Variants in CDC40 observed in about 807,000 individuals in gnomAD.
CDC40 encodes pre-mRNA-processing factor 17.
CDC40 carries 27 observed loss-of-function variants against 80.6 expected under a neutral mutation model. The ratio of observed to expected loss-of-function variants is 0.33; its 90% CI spans 0.25 to 0.46. The LOEUF is 0.46. CDC40 is among the 20% of genes least tolerant of loss of function. The probability of loss-of-function intolerance (pLI) is 1.00; values close to 1 mark genes in which losing one functional copy is unlikely to be tolerated. For synonymous variants in CDC40, 221 were observed against 232.6 expected, an observed-to-expected ratio of 0.95 and a Z score of 0.45; for missense variants, 486 against 694.1, an observed-to-expected ratio of 0.70 and a Z score of 3.37.
rs1346040204 is a variant in CDC40, at chr6:110,189,093, T to G, written c.190-4089T>G. On this transcript the variant is annotated intron_variant, in intron 1 of 14. Transcript: ENST00000307731. ...ACTAGTTAGATCTCTTTAACATTGT[T>G]CATTGTGGTTACTTTGAGCTCTTCC... Among the ~76,000 whole-genome samples the G allele has an allele frequency of 2.6e-5, 4 of 152,324 alleles. No individual in the cohort carries two copies. In the East Asian group the frequency reaches 7.7e-4, roughly 29 times the overall value.
chr6:110,228,994 A>G lies in CDC40; in HGVS notation c.1562+18A>G, dbSNP rs767604442. 1 of 1,580,640 alleles carries G rather than the reference A, an allele frequency of 6.3e-7. No individual in the cohort carries two copies. The highest frequency in any genetic ancestry group is 8.6e-7 in the Non-Finnish European group (1 of 1,163,004). On this transcript the variant is annotated intron_variant, in intron 14 of 14. Transcript: ENST00000307731. ...GACATGAGGTAAGTTTAAATCTTCT[A>G]ATCCATTCTCGTATTCAAATATGAT...
In CDC40 at chr6:110,210,770, G is replaced by C. The variant is rs1777627878; in HGVS notation, c.694G>C (p.Glu232Gln). 1 of 1,572,454 alleles carries C rather than the reference G, an allele frequency of 6.4e-7. No individual in the cohort carries two copies. Among genetic ancestry groups the C allele is most frequent in the South Asian group, 1.2e-5 (1 of 84,320 alleles). Residue 232 changes from glutamate to glutamine, a missense_variant, in exon 6 of 15, where the codon GAG (glutamate) becomes CAG (glutamine). Around this residue, in one of 3 missense-constraint regions of CDC40, gnomAD observed 381 missense variants for 492.1 expected, o/e 0.77. Transcript: ENST00000307731. ...KRQKKGKQEE[E>Q]KPGEEKTILH... The stretch of plus-strand genomic sequence containing the variant: ...GCAGAAAAAAGGAAAACAGGAAGAA[G>C]AGAAACCTGGGGAGGAGAAGACAAT...
rs1484993106 is a variant in CDC40 at position 110,230,222 on chromosome 6, T to C, written c.*91T>C. On this transcript the variant is annotated 3_prime_UTR_variant, in exon 15 of 15. Coordinates refer to ENST00000307731, the MANE Select transcript of CDC40 (RefSeq NM_015891.3). ...AAATGTATCTGATGATAACTTGATTTACAGATAATGTTGATGACATTGACC... is the reference window on the plus strand; with the variant it reads ...AAATGTATCTGATGATAACTTGATTCACAGATAATGTTGATGACATTGACC... 1 of 788,204 alleles carries C rather than the reference T, an allele frequency of 1.3e-6. No homozygotes were observed. The highest frequency in any genetic ancestry group is 2.0e-6 in the Non-Finnish European group (1 of 492,298). The allele number at this position is 788,204 out of a possible 1,614,324, so 48.8% of individuals were successfully genotyped here. A position where few individuals can be genotyped will look rare whatever the true frequency, so the allele number is the denominator to read the frequency against.
chr6:110,213,172 G>C lies in CDC40; in HGVS notation c.942+12G>C. ...ACTGTAAAATTAAGGTGAGTTTTCA[G>C]TAACAGAGTAGGAGTGCTGCAAAGC... On this transcript the variant is annotated intron_variant, in intron 8 of 14. Coordinates refer to ENST00000307731, the MANE Select transcript of CDC40 (RefSeq NM_015891.3). 1 of 1,489,158 alleles carries C rather than the reference G, an allele frequency of 6.7e-7. No homozygotes were observed. The highest frequency in any genetic ancestry group is 9.4e-7 in the Non-Finnish European group (1 of 1,066,096). The allele number at this position is 1,489,158 out of a possible 1,614,324, so 92.2% of individuals were successfully genotyped here.
chr6:110,217,667 C>T, intron 9 of CDC40, 35 bp from the exon 10 acceptor site: 2 of 901,484 alleles, frequency 2.2e-6, no homozygotes, highest in African/African-American at 1.6e-5. Flanking sequence ...TATGATACTT[C>T]ACCTCATTGC....
At chr6:110,190,989 G>A (rs1287183493) in intron 1 of CDC40, among the ~76,000 whole-genome samples, 1 of 152,096 alleles carries the variant, frequency 6.6e-6, no homozygotes, top group Non-Finnish European at 1.5e-5. Flanking sequence ...TAAAAATAGG[G>A]GGTGGTAATT....
intron 9 of CDC40, 73 bp downstream of exon 9, chr6:110,215,404 T>G (rs1449610889): frequency 3.4e-5 from 39 of 1,156,668 alleles, no homozygotes; most frequent in Non-Finnish European, 5.0e-5. Flanking sequence ...TGACAATAAC[T>G]TTACTACACC....
intron 1 of CDC40, among the ~76,000 whole-genome samples, chr6:110,181,082 C>T (rs544128914): frequency 1.4e-4 from 22 of 152,326 alleles, no homozygotes; most frequent in African/African-American, 5.1e-4. Flanking sequence ...TCTTTCCTCA[C>T]CTGTACAGTG....
At chr6:110,197,459 T>C (rs1484492956) in intron 2 of CDC40, among the ~76,000 whole-genome samples, 1 of 152,186 alleles carries the variant, frequency 6.6e-6, no homozygotes, top group Non-Finnish European at 1.5e-5. Context: ...AAATCTACTT[T>C]TAGTGGTTTT....
Position 110,212,154 on chromosome 6 carries a change from A to G in CDC40, c.749A>G (p.Gln250Arg). ...TCAGTTAAAGAAATGTATGACTATCAAGGCAGGTCCTATCTTCACATACCT... is the reference window on the plus strand; with the variant it reads ...TCAGTTAAAGAAATGTATGACTATCGAGGCAGGTCCTATCTTCACATACCT... ...ILHVKEMYDY[Q>R]GRSYLHIPQD... is the part of the protein sequence containing the mutation. Residue 250 changes from glutamine (Q) to arginine (R), a missense_variant, in exon 7 of 15, where the codon CAA (glutamine) becomes CGA (arginine). Around this residue, in one of 3 missense-constraint regions of CDC40, gnomAD observed 381 missense variants for 492.1 expected, o/e 0.77. Transcript: ENST00000307731. 3.1e-6 allele frequency: 5 copies of G among 1,613,468 alleles called. No individual in the cohort carries two copies. The highest frequency in any genetic ancestry group is 4.2e-6 in the Non-Finnish European group (5 of 1,179,542).
At chr6:110,206,204 C>G (rs1179737495) in intron 3 of CDC40, among the ~76,000 whole-genome samples, 1 of 152,160 alleles carries the variant, frequency 6.6e-6, no homozygotes, top group African/African-American at 2.4e-5. Flanking sequence ...GTGGCGCGAT[C>G]TCAGCTCACT....
chr6:110,223,646 T>C (rs564194556), intron 12 of CDC40, among the ~76,000 whole-genome samples: 2 of 152,258 alleles, frequency 1.3e-5, no homozygotes, highest in African/African-American at 4.8e-5. Context: ...TTCAGACAAG[T>C]GGTGTTTGCC....
chr6:110,220,697 G>A (rs147228395), intron 12 of CDC40, among the ~76,000 whole-genome samples: 8,351 of 152,098 alleles, frequency 0.055, 289 homozygotes, highest in Non-Finnish European at 0.087. Context: ...CGCCCACCTT[G>A]GCCTCCCAAA....
At chr6:110,183,641 C>G (rs1241321244) in intron 1 of CDC40, among the ~76,000 whole-genome samples, 2 of 152,036 alleles carry the variant, frequency 1.3e-5, no homozygotes, top group Non-Finnish European at 2.9e-5. Context: ...ATAATGATTG[C>G]AAATGATTGG....
In CDC40 at chr6:110,226,188, G is replaced by A. The variant is rs1777857323; in HGVS notation, c.1362G>A (p.Lys454=). ...TTAGGGATATCCCTGTGGATTTCAA[G>A]TACATAGCAGAACCCAGTATGCACT... ...VWEWDIPVDF[K]YIAEPSMHSM... The change falls in exon 13 of 15, where the codon AAG becomes AAA. Residue 454 remains lysine (K), a synonymous_variant. Coordinates refer to ENST00000307731, the MANE Select transcript of CDC40 (RefSeq NM_015891.3). The A allele has an allele frequency of 6.2e-7, 1 of 1,608,418 alleles. No individual in the cohort carries two copies. Among genetic ancestry groups the A allele is most frequent in the Non-Finnish European group, 8.5e-7 (1 of 1,175,822 alleles).
rs1358466047 is a variant in CDC40 at position 110,212,130 on chromosome 6, C to T, written c.728-3C>T. On this transcript the variant is annotated splice_region_variant and splice_polypyrimidine_tract_variant and intron_variant, in intron 6 of 14. Transcript: ENST00000307731. Reference sequence around the variant, plus strand: ...ATTGATTTTCTTTGCCTTTTTGTTTCAGTTAAAGAAATGTATGACTATCAA... The same window carrying T: ...ATTGATTTTCTTTGCCTTTTTGTTTTAGTTAAAGAAATGTATGACTATCAA... 6.2e-7 allele frequency: 1 copy of T among 1,606,438 alleles called. No individual in the cohort carries two copies. Among genetic ancestry groups the T allele is most frequent in the Non-Finnish European group, 8.5e-7 (1 of 1,176,268 alleles).
chr6:110,219,532 G>A, intron 11 of CDC40, 53 bp downstream of exon 11: 1 of 1,165,356 alleles, frequency 8.6e-7, no homozygotes, highest in Non-Finnish European at 1.3e-6. Context: ...GTTGTATAAG[G>A]GGATGGAATA....
Position 110,219,383 on chromosome 6 carries a change from T to C in CDC40, c.1110T>C (p.Phe370=). The change falls in exon 11 of 15, where the codon TTT becomes TTC. Residue 370 remains phenylalanine, a synonymous_variant. Coordinates refer to ENST00000307731, the MANE Select transcript of CDC40 (RefSeq NM_015891.3). Reference sequence around the variant, plus strand: ...TTTTAGGACAGTGTATATCAAGATTTACAAACCGAAAAGTACCTTATTGTG... The same window carrying C: ...TTTTAGGACAGTGTATATCAAGATTCACAAACCGAAAAGTACCTTATTGTG... ...DTETGQCISR[F]TNRKVPYCVK... is the part of the protein sequence containing the mutation. 3 of 1,581,730 alleles carry C rather than the reference T, an allele frequency of 1.9e-6. No individual in the cohort carries two copies. Among genetic ancestry groups the C allele is most frequent in the Non-Finnish European group, 2.6e-6 (3 of 1,151,972 alleles).
chr6:110,224,671 G>A (rs1196859755), intron 12 of CDC40, among the ~76,000 whole-genome samples: 2 of 152,170 alleles, frequency 1.3e-5, no homozygotes, highest in Non-Finnish European at 2.9e-5. Flanking sequence ...TTACAGATGT[G>A]ACCCACTACG....
Sources: gnomAD v4.1 joint callset for allele counts (sites outside exome capture counted in the v4.1 genomes callset) on GRCh38, gnomAD v4.1.1 for gene constraint, gnomAD v4.1.1 regional missense constraint, MANE v1.5 for transcripts, NCBI Gene and HGNC (gene_info 2026-07-23, HGNC 2026-07-21) for gene names.